Variants in UBXN2B observed in about 807,000 individuals in gnomAD.
UBXN2B encodes the protein UBX domain protein 2B.
UBXN2B carries 19 observed loss-of-function variants against 37.5 expected under a neutral mutation model. That is an observed-to-expected ratio of 0.51 (90% CI 0.35 to 0.74). The LOEUF (loss-of-function observed/expected upper bound fraction) is 0.74. Ranked by LOEUF, UBXN2B falls within the 30% of genes least tolerant of loss-of-function variation. The pLI, the probability that UBXN2B is intolerant of heterozygous loss-of-function variation, is 0.01. For missense variants in UBXN2B, 370 were observed against 393.2 expected (o/e 0.94, Z 0.50); for synonymous variants, 145 against 143.8 (o/e 1.01, Z -0.06).
intron 3 of UBXN2B, 71 bp downstream of exon 3, chr8:58,430,740 G>A (rs746025228): frequency 2.7e-5 from 32 of 1,187,170 alleles, no homozygotes; most frequent in Non-Finnish European, 3.5e-5. Flanking sequence ...TCTATTATTT[G>A]CAAACATTGT....
chr8:58,411,632 CTG>C (rs781298531), intron 1 of UBXN2B, among the ~76,000 whole-genome samples, 163 bp downstream of exon 1: 15 of 152,240 alleles, frequency 9.9e-5, no homozygotes, highest in Non-Finnish European at 1.3e-4. Flanking sequence ...GGTCTTGACA[CTG>C]TGGTGGTCGT....
At chr8:58,439,532 C>G (rs1239410317) in intron 5 of UBXN2B, 101 bp from the exon 6 acceptor site, 4 of 1,404,264 alleles carry the variant, frequency 2.8e-6, no homozygotes, top group East Asian at 2.5e-5. Context: ...GCAAAAAATT[C>G]TGTTTTCCAG....
intron 2 of UBXN2B, among the ~76,000 whole-genome samples, chr8:58,422,879 T>C (rs1807963945): frequency 6.6e-6 from 1 of 152,248 alleles, no homozygotes; most frequent in Non-Finnish European, 1.5e-5. Context: ...GTAAGCAGTT[T>C]TGGCTTCCCA....
At chr8:58,446,567 A>G (rs1223823432) in intron 7 of UBXN2B, among the ~76,000 whole-genome samples, 1 of 151,956 alleles carries the variant, frequency 6.6e-6, no homozygotes, top group African/African-American at 2.4e-5. Context: ...GTACATCAAC[A>G]TTTGATTTGT....
chr8:58,437,969 T>G (rs1808457103), intron 5 of UBXN2B, among the ~76,000 whole-genome samples: 1 of 134,662 alleles, frequency 7.4e-6, no homozygotes, highest in Non-Finnish European at 1.6e-5. Context: ...CCAACCCCCA[T>G]CACAGGCCCA....
chr8:58,433,460 A>C (rs1159930111), intron 4 of UBXN2B, among the ~76,000 whole-genome samples: 6 of 152,120 alleles, frequency 3.9e-5, no homozygotes, highest in Non-Finnish European at 7.4e-5. Context: ...ATTTGTTGAA[A>C]GAATGTGTGA....
chr8:58,448,352 T>G lies in UBXN2B; in HGVS notation c.*801T>G, dbSNP rs1383416068. The G allele has an allele frequency of 6.6e-6, 1 of 152,138 alleles. No individual in the cohort carries two copies. The highest frequency in any genetic ancestry group is 1.5e-5 in the Non-Finnish European group (1 of 68,040). The allele number at this position is 152,138 out of a possible 1,614,324, so 9.4% of individuals were successfully genotyped here. A position where few individuals can be genotyped will look rare whatever the true frequency, so the allele number is the denominator to read the frequency against. ...CCATGCCTGGCTAATTTTTGTACTT[T>G]TGCTAGAGACAGCGTTTCTCTGTGT... On this transcript the variant is annotated 3_prime_UTR_variant, in exon 8 of 8. Coordinates refer to ENST00000399598, the MANE Select transcript of UBXN2B (RefSeq NM_001077619.2).
chr8:58,437,001 G>A (rs1346072633), intron 5 of UBXN2B, among the ~76,000 whole-genome samples: 2 of 152,228 alleles, frequency 1.3e-5, no homozygotes, highest in Non-Finnish European at 2.9e-5. Flanking sequence ...AGATGTGGAA[G>A]CATCTTTGGA....
At chr8:58,428,260 T>C (rs1245901348) in intron 2 of UBXN2B, among the ~76,000 whole-genome samples, 2 of 152,202 alleles carry the variant, frequency 1.3e-5, no homozygotes, top group African/African-American at 2.4e-5. Context: ...TCTAAAAAGA[T>C]TGAAACCGCT....
At chr8:58,424,587 C>G in intron 2 of UBXN2B, 1 of 1,087,866 alleles carries the variant, frequency 9.2e-7, no homozygotes, top group Non-Finnish European at 1.4e-6. Flanking sequence ...GGCAGATTTT[C>G]TCATCTGAAA....
chr8:58,434,059 A>G (rs969629065), intron 4 of UBXN2B, among the ~76,000 whole-genome samples: 1 of 152,152 alleles, frequency 6.6e-6, no homozygotes, highest in African/African-American at 2.4e-5. Flanking sequence ...AGTGGGAATC[A>G]TGGAGTACAG....
In UBXN2B at chr8:58,447,470, G is replaced by A. The variant is rs751562650; in HGVS notation, c.915G>A (p.Pro305=). 1.3e-5 allele frequency: 21 copies of A among 1,613,144 alleles called. No individual in the cohort carries two copies. The East Asian group carries it at 3.6e-4, about 27-fold the overall frequency. The change falls in exon 8 of 8, where the codon CCG becomes CCA. Residue 305 remains proline, a synonymous_variant. Coordinates refer to ENST00000399598, the MANE Select transcript of UBXN2B (RefSeq NM_001077619.2). ...ALDFILVTSF[P]NKELTDESLT... ...ACTTTATTCTTGTGACTTCATTTCC[G>A]AATAAAGAGCTAACAGATGAAAGCC...
intron 1 of UBXN2B, among the ~76,000 whole-genome samples, chr8:58,414,032 G>A (rs977319686): frequency 1.3e-5 from 2 of 152,188 alleles, no homozygotes; most frequent in Non-Finnish European, 2.9e-5. Flanking sequence ...GACGGGGAGG[G>A]AGTGGGAACA....
chr8:58,443,350 C>T (rs1738480990), intron 6 of UBXN2B, among the ~76,000 whole-genome samples: 1 of 152,172 alleles, frequency 6.6e-6, no homozygotes, highest in Non-Finnish European at 1.5e-5. Flanking sequence ...CATTTGCCTA[C>T]AAACCTTGTT....
intron 2 of UBXN2B, chr8:58,424,683 A>G (rs1428982761): frequency 5.5e-6 from 6 of 1,082,706 alleles, no homozygotes; most frequent in East Asian, 7.2e-5. Context: ...GTTGGAGTAC[A>G]AGGCGGGGGG....
intron 3 of UBXN2B, among the ~76,000 whole-genome samples, chr8:58,432,778 A>G (rs1808316852): frequency 6.6e-6 from 1 of 152,178 alleles, no homozygotes; most frequent in Admixed American, 6.5e-5. Context: ...TACAAGTAGC[A>G]TTTCTCAACC....
chr8:58,416,118 C>T (rs1210547728), intron 1 of UBXN2B, among the ~76,000 whole-genome samples: 2 of 149,320 alleles, frequency 1.3e-5, no homozygotes, highest in Non-Finnish European at 3.0e-5. Context: ...TGAATAGCCA[C>T]AGGAGCATTA....
Position 58,430,548 on chromosome 8 carries a change from G to A in UBXN2B, c.218G>A (p.Gly73Glu). The A allele has an allele frequency of 6.3e-7, 1 of 1,599,040 alleles. No homozygotes were observed. The highest frequency in any genetic ancestry group is 1.1e-5 in the South Asian group (1 of 88,596). ...RFYSSEHEYSGLNIVRPSTGK... is the reference protein window; with the variant it reads ...RFYSSEHEYSELNIVRPSTGK... ...TACTCAAGTGAACATGAATACAGTG[G>A]ATTAAATATAGTTCGACCTTCAACT... Residue 73 changes from glycine to glutamate, a missense_variant, in exon 3 of 8, where the codon GGA becomes GAA. This residue lies in a region of UBXN2B where 197 missense variants were observed against 170.2 expected (regional missense o/e 1.16). Transcript: ENST00000399598.
At chr8:58,431,822 T>G (rs973820106) in intron 3 of UBXN2B, among the ~76,000 whole-genome samples, 5 of 152,218 alleles carry the variant, frequency 3.3e-5, no homozygotes, top group African/African-American at 9.6e-5. Context: ...GATGTTAATT[T>G]GCATTTTCTT....
Sources: allele counts gnomAD v4.1 joint callset (sites outside exome capture counted in the v4.1 genomes callset), GRCh38; gene constraint gnomAD v4.1.1; regional missense constraint gnomAD v4.1.1; transcripts MANE v1.5; gene names NCBI Gene and HGNC (gene_info 2026-07-23, HGNC 2026-07-21).